Variants in CNTNAP5 observed in about 807,000 individuals in gnomAD.
CNTNAP5 encodes contactin-associated protein-like 5.
CNTNAP5 carries 72 observed loss-of-function variants against 150.2 expected under a neutral mutation model. That is an observed-to-expected ratio of 0.48 (90% CI 0.40 to 0.58). The LOEUF (loss-of-function observed/expected upper bound fraction) is 0.58, where lower values mean the gene tolerates loss of function less well. Among genes scored for constraint, CNTNAP5 ranks in the 20% least tolerant of loss-of-function variants. The pLI is 0.00. For missense variants in CNTNAP5, 1,636 were observed against 1,626.2 expected (o/e 1.01, Z -0.10); for synonymous variants, 672 against 619.8 (o/e 1.08, Z -1.25).
intron 3 of CNTNAP5, among the ~76,000 whole-genome samples, chr2:124,306,582 C>T (rs1688695932): frequency 1.3e-5 from 2 of 152,156 alleles, no homozygotes; most frequent in African/African-American, 4.8e-5. Context: ...TAACAGTGTG[C>T]ACTGCACAGG....
chr2:124,415,356 A>G (rs1454082397), intron 3 of CNTNAP5, among the ~76,000 whole-genome samples: 1 of 152,216 alleles, frequency 6.6e-6, no homozygotes, highest in Admixed American at 6.5e-5. Flanking sequence ...CCACTTTGTG[A>G]TACATGATAG....
chr2:124,718,306 G>A (rs1261525433), intron 13 of CNTNAP5, among the ~76,000 whole-genome samples: 1 of 152,100 alleles, frequency 6.6e-6, no homozygotes, highest in East Asian at 1.9e-4. Flanking sequence ...AAAGATAAAG[G>A]TTCCTATTTC....
Position 124,152,440 on chromosome 2 carries a change from C to T in CNTNAP5, c.83-69265C>T, listed in dbSNP as rs541670672. 9.2e-5 allele frequency among the ~76,000 whole-genome samples: 14 copies of T among 152,294 alleles called. No individual in the cohort carries two copies. The South Asian group carries it at 2.1e-3, about 23-fold the overall frequency. ...GTAGCCCAAAGCCTGTGAACAAATA[C>T]GTGGCAGAGCTGGAGTCGCAGATCT... On this transcript the variant is annotated intron_variant, in intron 1 of 23. Transcript: ENST00000682447.
chr2:124,649,591 C>T (rs1678277362), intron 13 of CNTNAP5, among the ~76,000 whole-genome samples: 1 of 152,172 alleles, frequency 6.6e-6, no homozygotes, highest in Non-Finnish European at 1.5e-5. Context: ...ACTCAGCTGC[C>T]TCACTGTCCC....
At chr2:124,486,765 T>C (rs533701880) in intron 7 of CNTNAP5, among the ~76,000 whole-genome samples, 9 of 152,286 alleles carry the variant, frequency 5.9e-5, no homozygotes, top group Non-Finnish European at 1.3e-4. Context: ...TTTATTTAAC[T>C]TTGTCATTAT....
rs1281479570 is a variant in CNTNAP5, at chr2:124,811,963, T to TATAAAA, written c.3217+13643_3217+13644insATAAAA. Reference sequence around the variant, plus strand: ...ATCTCAAAAAATATATATATATATATTTTTTATAATATATATAAAATTTAT... The same window carrying TATAAAA: ...ATCTCAAAAAATATATATATATATATATAAAATTTTTATAATATATATAAAATTTAT... On this transcript the variant is annotated intron_variant, in intron 19 of 23. Coordinates refer to ENST00000682447, the MANE Select transcript of CNTNAP5 (RefSeq NM_001367498.1). 2.1e-3 allele frequency among the ~76,000 whole-genome samples: 237 copies of TATAAAA among 112,980 alleles called. 3 individuals carry two copies. The highest frequency in any genetic ancestry group is 3.5e-3 in the Non-Finnish European group (204 of 57,600). The allele number at this position is 112,980 out of a possible 152,430, so 74.1% of individuals were successfully genotyped here.
chr2:124,245,363 C>A (rs143157675), intron 3 of CNTNAP5, among the ~76,000 whole-genome samples: 1 of 152,156 alleles, frequency 6.6e-6, no homozygotes, highest in East Asian at 1.9e-4. Flanking sequence ...GAGAGCTTTT[C>A]TTTTTACTTT....
chr2:124,222,117 G>C (rs1686337046), intron 2 of CNTNAP5, among the ~76,000 whole-genome samples: 1 of 151,836 alleles, frequency 6.6e-6, no homozygotes, highest in South Asian at 2.1e-4. Context: ...AACATAAATA[G>C]ATATAAAACA....
intron 18 of CNTNAP5, among the ~76,000 whole-genome samples, chr2:124,795,885 C>A (rs938686341): frequency 2.6e-5 from 4 of 151,738 alleles, no homozygotes; most frequent in Admixed American, 2.6e-4. Context: ...GTTCTTCCAC[C>A]AAGTGGATGC....
At chr2:124,546,383 T>TGC (rs1695510860) in intron 10 of CNTNAP5, among the ~76,000 whole-genome samples, 1 of 151,900 alleles carries the variant, frequency 6.6e-6, no homozygotes, top group Non-Finnish European at 1.5e-5. Context: ...TGTGTGTGTG[T>TGC]GCAAGTGTGC....
At chr2:124,797,624 GTA>G (rs1681874320) in intron 18 of CNTNAP5, among the ~76,000 whole-genome samples, 1 of 152,178 alleles carries the variant, frequency 6.6e-6, no homozygotes, top group African/African-American at 2.4e-5. Context: ...GTCTTGCTCT[GTA>G]TTTAGAGACC....
chr2:124,436,033 A>G (rs966673215), intron 5 of CNTNAP5, among the ~76,000 whole-genome samples: 2 of 152,214 alleles, frequency 1.3e-5, no homozygotes, highest in African/African-American at 4.8e-5. Flanking sequence ...TTGGGCGTCC[A>G]AATACTACAC....
intron 22 of CNTNAP5, among the ~76,000 whole-genome samples, chr2:124,906,093 T>C (rs1306976617): frequency 5.3e-5 from 6 of 114,214 alleles, no homozygotes; most frequent in Non-Finnish European, 7.3e-5. Context: ...CAAAGCATCA[T>C]AAATACTGAT....
chr2:124,776,198 T>C (rs900385876), intron 17 of CNTNAP5, among the ~76,000 whole-genome samples: 5 of 152,210 alleles, frequency 3.3e-5, no homozygotes, highest in Non-Finnish European at 5.9e-5. Context: ...GCGGCAATTA[T>C]AGAGTGGAAA....
chr2:124,220,686 C>G (rs1332856952), intron 1 of CNTNAP5, among the ~76,000 whole-genome samples: 1 of 152,092 alleles, frequency 6.6e-6, no homozygotes, highest in Non-Finnish European at 1.5e-5. Flanking sequence ...TGAGAGCTCT[C>G]TTGTTGCATC....
chr2:124,118,157 C>G lies in CNTNAP5; in HGVS notation c.82+92425C>G, dbSNP rs147695447. ...ATAAGGTTTGTTCATGATCATGCAA[C>G]AGATACTTTAGAATATATGTATATA... On this transcript the variant is annotated intron_variant, in intron 1 of 23. Coordinates refer to ENST00000682447, the MANE Select transcript of CNTNAP5 (RefSeq NM_001367498.1). Among the ~76,000 whole-genome samples, 18 of 152,010 alleles carry G rather than the reference C, an allele frequency of 1.2e-4. No homozygotes were observed. In the East Asian group the frequency reaches 3.5e-3, roughly 29 times the overall value.
intron 3 of CNTNAP5, among the ~76,000 whole-genome samples, chr2:124,258,392 CATT>C (rs1251603164): frequency 1.3e-5 from 2 of 152,122 alleles, no homozygotes; most frequent in African/African-American, 2.4e-5. Flanking sequence ...AAAGAGGACT[CATT>C]ATACCCAATT....
At chr2:124,705,179 A>T (rs1243648305) in intron 13 of CNTNAP5, among the ~76,000 whole-genome samples, 1 of 151,866 alleles carries the variant, frequency 6.6e-6, no homozygotes, top group African/African-American at 2.4e-5. Context: ...TGTCTGTGTA[A>T]CTCTCCTTTC....
intron 10 of CNTNAP5, among the ~76,000 whole-genome samples, chr2:124,561,463 AC>A (rs1449976129): frequency 1.3e-5 from 2 of 152,130 alleles, no homozygotes; most frequent in Non-Finnish European, 2.9e-5. Context: ...TCTGCTGTCC[AC>A]CAAGACCAGG....
Sources: allele counts gnomAD v4.1 joint callset (sites outside exome capture counted in the v4.1 genomes callset), GRCh38; gene constraint gnomAD v4.1.1; transcripts MANE v1.5; gene names NCBI Gene and HGNC (gene_info 2026-07-23, HGNC 2026-07-21).